PKHD1: variants seen among roughly 807,000 people sequenced by gnomAD.
PKHD1 encodes the protein fibrocystin.
PKHD1 carries 291 observed loss-of-function variants against 412.0 expected under a neutral mutation model. The ratio of observed to expected loss-of-function variants is 0.71; its 90% confidence interval spans 0.64 to 0.78. The LOEUF (loss-of-function observed/expected upper bound fraction) is 0.78. Among genes scored for constraint, PKHD1 ranks in the 30% least tolerant of loss-of-function variants. The probability of loss-of-function intolerance (pLI) is 0.00; values close to 1 mark genes in which losing one functional copy is unlikely to be tolerated. For missense variants in PKHD1, 4,825 were observed against 4,950.7 expected (o/e 0.97, Z 0.76); for synonymous variants, 1,777 against 1,821.5 (o/e 0.98, Z 0.62).
chr6:51,706,498 T>C (rs981592013), intron 60 of PKHD1, among the ~76,000 whole-genome samples: 5 of 133,826 alleles, frequency 3.7e-5, no homozygotes, highest in Non-Finnish European at 6.4e-5. Flanking sequence ...AAAAAAAGGG[T>C]AACATGACTA....
chr6:52,046,379 A>C (rs1325804012), intron 23 of PKHD1, among the ~76,000 whole-genome samples, 191 bp from the exon 24 acceptor site: 1 of 152,218 alleles, frequency 6.6e-6, no homozygotes, highest in Non-Finnish European at 1.5e-5. Context: ...AAAGACAAGT[A>C]GATGCCCACT....
At chr6:51,982,203 G>C (rs1431555986) in intron 35 of PKHD1, among the ~76,000 whole-genome samples, 1 of 31,526 alleles carries the variant, frequency 3.2e-5, no homozygotes, top group African/African-American at 9.1e-5. Flanking sequence ...TCAGCCCCCC[G>C]CCCGGCCAGC....
chr6:52,045,302 G>T (rs1354371269), intron 24 of PKHD1, among the ~76,000 whole-genome samples: 1 of 152,210 alleles, frequency 6.6e-6, no homozygotes, highest in Non-Finnish European at 1.5e-5. Flanking sequence ...TTTGCAAGTG[G>T]ATTGCCAAAA....
intron 60 of PKHD1, among the ~76,000 whole-genome samples, chr6:51,705,265 G>T (rs1216694587): frequency 6.6e-6 from 1 of 151,840 alleles, no homozygotes; most frequent in Non-Finnish European, 1.5e-5. Flanking sequence ...GAGTGGACTT[G>T]GTGTCAAATT....
chr6:51,699,108 A>AT (rs1321376660), intron 60 of PKHD1, among the ~76,000 whole-genome samples: 9 of 152,068 alleles, frequency 5.9e-5, no homozygotes, highest in Non-Finnish European at 1.2e-4. Context: ...TCATATGGTA[A>AT]TTTTTTTCTT....
intron 59 of PKHD1, 71 bp from the exon 60 acceptor site, chr6:51,744,613 T>C: frequency 8.9e-7 from 1 of 1,123,982 alleles, no homozygotes; most frequent in Admixed American, 1.7e-5. Flanking sequence ...ACATTGGTAG[T>C]GCTAATGTTG....
At chr6:51,823,108 A>AAG in intron 52 of PKHD1, among the ~76,000 whole-genome samples, 1 of 151,608 alleles carries the variant, frequency 6.6e-6, no homozygotes. Flanking sequence ...AAAAAAAAAA[A>AAG]TTATACCTAT....
chr6:52,074,801 A>G (rs1291594679), intron 6 of PKHD1, among the ~76,000 whole-genome samples: 1 of 152,178 alleles, frequency 6.6e-6, no homozygotes, highest in Non-Finnish European at 1.5e-5. Context: ...CCCAAATGAA[A>G]TGAGAGTATT....
chr6:51,901,693 A>T (rs913557559), intron 43 of PKHD1, among the ~76,000 whole-genome samples: 2 of 127,446 alleles, frequency 1.6e-5, no homozygotes, highest in African/African-American at 7.4e-5. Context: ...AAAAACTTAA[A>T]AAAAAAAAAA....
intron 31 of PKHD1, among the ~76,000 whole-genome samples, chr6:52,027,586 AAAAAG>A (rs1562174284): frequency 2.0e-5 from 3 of 150,630 alleles, no homozygotes; most frequent in East Asian, 4.0e-4. Context: ...AAAAGAAAAA[AAAAAG>A]AAAAGAAAAG....
At chr6:51,741,334 C>T (rs193292014) in intron 60 of PKHD1, among the ~76,000 whole-genome samples, 1 of 152,284 alleles carries the variant, frequency 6.6e-6, no homozygotes, top group Non-Finnish European at 1.5e-5. Context: ...ACCACAAAAC[C>T]TATGACTTCC....
Position 52,066,070 on chromosome 6 carries a change from T to C in PKHD1, c.786A>G (p.Leu262=), listed in dbSNP as rs570064466. Residue 262 remains leucine, a synonymous_variant, in exon 12 of 67, where the codon TTA becomes TTG. Coordinates refer to ENST00000371117, the MANE Select transcript of PKHD1 (RefSeq NM_138694.4). ...LFLYQTHSEI[L]SVFPETGSLG... ...GGCTCCCAGTTTCTGGAAACACAGA[T>C]AATATTTCTGCAAGAGTTAAAAAAA... The C allele has an allele frequency of 4.7e-5, 70 of 1,488,900 alleles. 2 individuals are homozygous for C. The South Asian group carries it at 7.8e-4, about 16-fold the overall frequency. 92.2% of individuals were successfully genotyped at this position (1,488,900 alleles called of 1,614,324 possible). A position where few individuals can be genotyped will look rare whatever the true frequency, so the allele number is the denominator to read the frequency against.
At chr6:51,884,638 T>A (rs1280675816) in intron 45 of PKHD1, among the ~76,000 whole-genome samples, 1 of 152,220 alleles carries the variant, frequency 6.6e-6, no homozygotes, top group Admixed American at 6.5e-5. Flanking sequence ...GAGTTCAAGT[T>A]GTAGTTCTGT....
intron 37 of PKHD1, among the ~76,000 whole-genome samples, chr6:51,927,095 T>A (rs1009324378): frequency 6.6e-6 from 1 of 152,190 alleles, no homozygotes; most frequent in Non-Finnish European, 1.5e-5. Context: ...AATACTTTTT[T>A]AATTTTCCTC....
At chr6:51,943,920 C>T (rs554859172) in intron 36 of PKHD1, among the ~76,000 whole-genome samples, 9 of 151,398 alleles carry the variant, frequency 5.9e-5, no homozygotes, top group East Asian at 1.9e-4. Flanking sequence ...CAAAAATTTT[C>T]ACCATCCCAA....
rs1334374415 is a variant in PKHD1, at chr6:51,903,655, T to C, written c.6938A>G (p.Asn2313Ser). 1.2e-6 allele frequency: 2 copies of C among 1,611,312 alleles called. No individual in the cohort carries two copies. Among genetic ancestry groups the C allele is most frequent in the South Asian group, 1.1e-5 (1 of 91,034 alleles). Residue 2313 changes from asparagine (N) to serine (S), a missense_variant, in exon 43 of 67, where the codon AAT becomes AGT. Transcript: ENST00000371117. ...IQVSGAEGLS[N>S]PEMLTPSGIY... is the part of the protein sequence containing the mutation. ...GCCAGATGGTGTCAACATTTCAGGATTGGAGAGTCCCTCGGCACCAGAAAC... is the reference window on the plus strand; with the variant it reads ...GCCAGATGGTGTCAACATTTCAGGACTGGAGAGTCCCTCGGCACCAGAAAC...
intron 64 of PKHD1, among the ~76,000 whole-genome samples, chr6:51,635,879 G>T (rs13192277): frequency 8.3e-6 from 1 of 120,412 alleles, no homozygotes; most frequent in Non-Finnish European, 1.8e-5. Flanking sequence ...GGGGGGCCGG[G>T]GGCGGATTTG....
Position 51,659,095 on chromosome 6 carries a change from C to A in PKHD1, c.11031G>T (p.Met3677Ile). ...GDSPTVRSTG[M>I]ISSLSSNKLQ... ...ATTTGTTACTTGATAAGGATGAAATCATTCCAGTGCTCCTTACTGTTGGCG... is the reference window on the plus strand; with the variant it reads ...ATTTGTTACTTGATAAGGATGAAATAATTCCAGTGCTCCTTACTGTTGGCG... The change falls in exon 61 of 67, where the codon ATG becomes ATT. Residue 3677 changes from methionine (M) to isoleucine (I), a missense_variant. Transcript: ENST00000371117. The A allele has an allele frequency of 6.2e-7, 1 of 1,613,826 alleles. No individual in the cohort carries two copies.
At chr6:52,040,402 T>C (rs1467413494) in intron 27 of PKHD1, among the ~76,000 whole-genome samples, 2 of 152,106 alleles carry the variant, frequency 1.3e-5, no homozygotes, top group African/African-American at 4.8e-5. Flanking sequence ...TCCTAACCGG[T>C]CTTGCTGGTT....
Sources: gnomAD v4.1 joint callset for allele counts (sites outside exome capture counted in the v4.1 genomes callset) on GRCh38, gnomAD v4.1.1 for gene constraint, MANE v1.5 for transcripts, NCBI Gene and HGNC (gene_info 2026-07-23, HGNC 2026-07-21) for gene names.